The following TNNI3K variants were observed in gnomAD, a reference collection of about 807,000 sequenced individuals.
The protein encoded by TNNI3K is TNNI3 interacting kinase.
TNNI3K carries 140 observed loss-of-function variants against 114.5 expected under a neutral mutation model. That is an observed-to-expected ratio of 1.22 (90% confidence interval 1.07 to 1.41). TNNI3K has a LOEUF of 1.41. Among genes scored for constraint, TNNI3K ranks in the 40% most tolerant of loss-of-function variants. The pLI, the probability that TNNI3K is intolerant of heterozygous loss-of-function variation, is 0.00. For missense variants in TNNI3K, 1,125 were observed against 1,007.6 expected (o/e 1.12, Z -1.58); for synonymous variants, 347 against 347.5 (o/e 1.00, Z 0.02).
intron 5 of TNNI3K, among the ~76,000 whole-genome samples, chr1:74,274,274 C>T (rs1656534022): frequency 6.6e-6 from 1 of 151,892 alleles, no homozygotes; most frequent in Non-Finnish European, 1.5e-5. Context: ...ATTGCCTTCA[C>T]ATTGAATAGG....
In TNNI3K at chr1:74,259,079, A is replaced by G. The variant is rs181181404; in HGVS notation, c.333+8310A>G. Among the ~76,000 whole-genome samples, 12 of 152,336 alleles carry G rather than the reference A, an allele frequency of 7.9e-5. No individual in the cohort carries two copies. In the East Asian group the frequency reaches 2.1e-3, roughly 27 times the overall value. Reference sequence around the variant, plus strand: ...TCCTTTCCAGCCCTATTCAACCAGTACTATTCAGGCGTTTCTAGAGAAATT... The same window carrying G: ...TCCTTTCCAGCCCTATTCAACCAGTGCTATTCAGGCGTTTCTAGAGAAATT... On this transcript the variant is annotated intron_variant, in intron 4 of 24. Coordinates refer to ENST00000326637, the MANE Select transcript of TNNI3K (RefSeq NM_015978.3).
intron 23 of TNNI3K, among the ~76,000 whole-genome samples, chr1:74,520,780 G>T (rs1646421107): frequency 6.6e-6 from 1 of 152,090 alleles, no homozygotes; most frequent in Non-Finnish European, 1.5e-5. Flanking sequence ...AGTCCCCTTT[G>T]AGTTGCAACA....
In TNNI3K at chr1:74,479,539, A is replaced by G. The variant is rs554323572; in HGVS notation, c.2122-9650A>G. ...AGTTAGATAATGCATCCAAAGTCAC[A>G]CAGCTAATAGCAGAGCCAGGATTCA... On this transcript the variant is annotated intron_variant, in intron 21 of 24. Transcript: ENST00000326637. Among the ~76,000 whole-genome samples, 3 of 152,330 alleles carry G rather than the reference A, an allele frequency of 2.0e-5. No individual in the cohort carries two copies. In the South Asian group the frequency reaches 6.2e-4, roughly 32 times the overall value.
intron 23 of TNNI3K, among the ~76,000 whole-genome samples, chr1:74,506,847 T>A (rs914337357): frequency 9.9e-5 from 15 of 152,200 alleles, no homozygotes; most frequent in Non-Finnish European, 2.2e-4. Context: ...ATTCCTAATC[T>A]CATTCTTACA....
At chr1:74,289,410 C>A (rs1657531396) in intron 5 of TNNI3K, among the ~76,000 whole-genome samples, 1 of 151,818 alleles carries the variant, frequency 6.6e-6, no homozygotes, top group Non-Finnish European at 1.5e-5. Context: ...AGAAGTTTGA[C>A]CCTAACAAAA....
chr1:74,524,314 TG>T (rs1646474314), intron 23 of TNNI3K, among the ~76,000 whole-genome samples: 1 of 152,332 alleles, frequency 6.6e-6, no homozygotes, highest in African/African-American at 2.4e-5. Flanking sequence ...AATAGCTCTG[TG>T]GGCCTGCCAG....
intron 17 of TNNI3K, among the ~76,000 whole-genome samples, chr1:74,421,019 G>T (rs45593231): frequency 2.0e-5 from 3 of 152,034 alleles, no homozygotes; most frequent in Non-Finnish European, 4.4e-5. Context: ...CACATGCTTA[G>T]CGTTCCAATA....
intron 5 of TNNI3K, among the ~76,000 whole-genome samples, chr1:74,322,036 C>T (rs190452559): frequency 3.6e-4 from 55 of 152,140 alleles, no homozygotes; most frequent in Non-Finnish European, 4.9e-4. Context: ...CAAAAAAGGG[C>T]GTGGTAACTC....
intron 5 of TNNI3K, among the ~76,000 whole-genome samples, chr1:74,281,191 C>T (rs1191379716): frequency 6.6e-6 from 1 of 152,056 alleles, no homozygotes; most frequent in Non-Finnish European, 1.5e-5. Context: ...AAATAGTCAC[C>T]ACAGGCTTTG....
intron 21 of TNNI3K, among the ~76,000 whole-genome samples, chr1:74,488,965 GT>G (rs1259130377): frequency 3.3e-5 from 5 of 152,270 alleles, no homozygotes; most frequent in African/African-American, 1.2e-4. Flanking sequence ...TCTGAATGTA[GT>G]TGCAAATTCT....
At chr1:74,503,485 C>T (rs530465784) in intron 23 of TNNI3K, among the ~76,000 whole-genome samples, 2 of 152,234 alleles carry the variant, frequency 1.3e-5, no homozygotes, top group African/African-American at 4.8e-5. Flanking sequence ...GAAGAGTTGT[C>T]TTTCTTACTC....
intron 11 of TNNI3K, among the ~76,000 whole-genome samples, chr1:74,355,776 G>A (rs184884874): frequency 1.7e-4 from 26 of 152,224 alleles, no homozygotes; most frequent in African/African-American, 5.5e-4. Flanking sequence ...AAGACTGCTA[G>A]TAGAAAAATG....
chr1:74,412,447 A>G (rs549688142), intron 17 of TNNI3K, among the ~76,000 whole-genome samples: 2 of 152,256 alleles, frequency 1.3e-5, no homozygotes, highest in South Asian at 2.1e-4. Flanking sequence ...GAATACTGCT[A>G]TTACCATGTG....
In TNNI3K at chr1:74,241,386, A is replaced by G. The variant is rs1654196390; in HGVS notation, c.149+5176A>G. Among the ~76,000 whole-genome samples the G allele has an allele frequency of 2.6e-5, 4 of 152,366 alleles. No homozygotes were observed. The South Asian group carries it at 8.3e-4, about 32-fold the overall frequency. Reference sequence around the variant, plus strand: ...TTCCACAATGGTTGAACTAGTTTACAGTCCCACCAATGGTGTAAAAGTGTT... The same window carrying G: ...TTCCACAATGGTTGAACTAGTTTACGGTCCCACCAATGGTGTAAAAGTGTT... On this transcript the variant is annotated intron_variant, in intron 2 of 24. Transcript: ENST00000326637.
intron 23 of TNNI3K, among the ~76,000 whole-genome samples, chr1:74,539,836 ATAATAC>A (rs1241571479): frequency 1.3e-5 from 2 of 152,044 alleles, no homozygotes; most frequent in African/African-American, 2.4e-5. Flanking sequence ...TAATATAATA[ATAATAC>A]TTCTTGGGAT....
At chr1:74,486,201 A>AAGAGAGAGAGAG (rs58506314) in intron 21 of TNNI3K, among the ~76,000 whole-genome samples, 26,066 of 135,996 alleles carry the variant, frequency 0.19, 3,154 homozygotes, top group East Asian at 0.42. Context: ...AAATGCTATA[A>AAGAGAGAGAGAG]AGAGAGAGAG....
intron 17 of TNNI3K, among the ~76,000 whole-genome samples, chr1:74,424,197 A>G (rs1212655526): frequency 6.6e-6 from 1 of 152,144 alleles, no homozygotes; most frequent in Non-Finnish European, 1.5e-5. Flanking sequence ...GATGTCCTTC[A>G]CTAAGAGAAA....
chr1:74,247,993 G>A (rs979217064), intron 2 of TNNI3K, among the ~76,000 whole-genome samples: 8 of 152,050 alleles, frequency 5.3e-5, no homozygotes, highest in Admixed American at 2.6e-4. Flanking sequence ...GGGAGCCCAC[G>A]GGGGTAGGGG....
Position 74,249,450 on chromosome 1 carries a change from T to A in TNNI3K, c.150-9T>A, listed in dbSNP as rs1449603518. 6 of 1,610,526 alleles carry A rather than the reference T, an allele frequency of 3.7e-6. No homozygotes were observed. Among genetic ancestry groups the A allele is most frequent in the Admixed American group, 3.4e-5 (2 of 59,364 alleles). On this transcript the variant is annotated splice_polypyrimidine_tract_variant and intron_variant, in intron 2 of 24. Coordinates refer to ENST00000326637, the MANE Select transcript of TNNI3K (RefSeq NM_015978.3). ...AATTTTGTGATCATCTGTAACATGT[T>A]TTTTTCAGCTCTGATGAAGCCTTCA... is the stretch of plus-strand genomic sequence containing the variant.
Sources: gnomAD v4.1 joint callset for allele counts (sites outside exome capture counted in the v4.1 genomes callset) on GRCh38, gnomAD v4.1.1 for gene constraint, MANE v1.5 for transcripts, NCBI Gene and HGNC (gene_info 2026-07-23, HGNC 2026-07-21) for gene names.